XYLT1: variants seen among roughly 807,000 people sequenced by gnomAD.
The protein encoded by XYLT1 is xylosyltransferase 1.
XYLT1 carries 36 observed loss-of-function variants against 91.3 expected under a neutral mutation model. The ratio of observed to expected loss-of-function variants is 0.39; its 90% CI spans 0.30 to 0.52. The LOEUF (loss-of-function observed/expected upper bound fraction) is 0.52, where lower values mean the gene tolerates loss of function less well. Ranked by LOEUF, XYLT1 falls within the 20% of genes least tolerant of loss-of-function variation. The pLI is 0.68. For missense variants in XYLT1, 1,242 were observed against 1,284.5 expected, an observed-to-expected ratio of 0.97 and a Z score of 0.51; for synonymous variants, 588 against 532.0, an observed-to-expected ratio of 1.11 and a Z score of -1.45.
chr16:17,468,918 ATCACTATC>A, intron 1 of XYLT1, among the ~76,000 whole-genome samples: 1 of 152,082 alleles, frequency 6.6e-6, no homozygotes, highest in African/African-American at 2.4e-5. Context: ...GCGGGAACCC[ATCACTATC>A]AACTCCAAGA....
chr16:17,138,265 A>AGAT lies in XYLT1; in HGVS notation c.1764+87_1764+89dup, dbSNP rs1244135700. On this transcript the variant is annotated intron_variant, in intron 8 of 11. Coordinates refer to ENST00000261381, the MANE Select transcript of XYLT1 (RefSeq NM_022166.4). ...AGCCAGGTTTGGGCACCATGTGATA[A>AGAT]GATGACCTGCAGGTCTGGCCTTGGA... The AGAT allele has an allele frequency of 1.5e-4, 217 of 1,494,154 alleles. 1 individual carries two copies. The Admixed American group carries it at 4.0e-3, about 28-fold the overall frequency. 92.6% of individuals were successfully genotyped at this position (1,494,154 alleles called of 1,614,324 possible).
chr16:17,308,883 G>A (rs915674451), intron 2 of XYLT1, among the ~76,000 whole-genome samples: 7 of 151,966 alleles, frequency 4.6e-5, no homozygotes, highest in Non-Finnish European at 7.4e-5. Flanking sequence ...AAAATACAAA[G>A]AGCATTTAGC....
At position 17,127,798 on chromosome 16, in the gene XYLT1, G is replaced by A; in HGVS notation, c.2091C>T (p.Gly697=). Residue 697 remains glycine, a synonymous_variant, in exon 10 of 12, where the codon GGC becomes GGT. Coordinates refer to ENST00000261381, the MANE Select transcript of XYLT1 (RefSeq NM_022166.4). ...TGGTAGCATGATGCTTGATCAGAAA[G>A]CCCTGGAAGCGGTCAGCAAGGAAGT... ...HLYFLADRFQ[G]FLIKHHATNL... 2 of 1,614,152 alleles carry A rather than the reference G, an allele frequency of 1.2e-6. No homozygotes were observed. Among genetic ancestry groups the A allele is most frequent in the African/African-American group, 1.3e-5 (1 of 75,024 alleles).
intron 1 of XYLT1, among the ~76,000 whole-genome samples, chr16:17,359,998 T>C (rs2035359909): frequency 6.6e-6 from 1 of 152,104 alleles, no homozygotes; most frequent in Non-Finnish European, 1.5e-5. Flanking sequence ...GGTACGAGCT[T>C]AGTGGGCGAG....
chr16:17,192,010 C>T (rs1315606606), intron 5 of XYLT1, among the ~76,000 whole-genome samples: 1 of 152,080 alleles, frequency 6.6e-6, no homozygotes, highest in Non-Finnish European at 1.5e-5. Flanking sequence ...ACACTCAACC[C>T]TCCTCTCTTT....
In XYLT1 at chr16:17,434,002, T is replaced by C. The variant is rs4322650; in HGVS notation, c.363+36432A>G. On this transcript the variant is annotated intron_variant, in intron 1 of 11. Coordinates refer to ENST00000261381, the MANE Select transcript of XYLT1 (RefSeq NM_022166.4). ...CCATTTGGCGCCTTTAACGTTTCAT[T>C]TGGCAGATTGAATTTCGGGCATGTA... Among the ~76,000 whole-genome samples, 14 of 152,308 alleles carry C rather than the reference T, an allele frequency of 9.2e-5. No homozygotes were observed. In the East Asian group the frequency reaches 2.3e-3, roughly 25 times the overall value.
intron 9 of XYLT1, among the ~76,000 whole-genome samples, chr16:17,130,757 T>C (rs2030438675): frequency 6.6e-6 from 1 of 152,188 alleles, no homozygotes; most frequent in Non-Finnish European, 1.5e-5. Context: ...TTTTGCCCAC[T>C]ATAACCTGTT....
chr16:17,399,045 A>T (rs1242331881), intron 1 of XYLT1, among the ~76,000 whole-genome samples: 1 of 151,906 alleles, frequency 6.6e-6, no homozygotes, highest in Non-Finnish European at 1.5e-5. Flanking sequence ...GACACCAGTC[A>T]TATTAGCTTA....
chr16:17,354,859 T>A (rs1049037350), intron 2 of XYLT1: 2 of 152,208 alleles, frequency 1.3e-5, no homozygotes, highest in Non-Finnish European at 2.9e-5. Flanking sequence ...CACCTCACAA[T>A]GGGCTGAGGC....
intron 1 of XYLT1, among the ~76,000 whole-genome samples, chr16:17,364,373 GCTC>G (rs2141868254): frequency 6.6e-6 from 1 of 152,246 alleles, no homozygotes; most frequent in East Asian, 1.9e-4. Flanking sequence ...CCTAAGATAG[GCTC>G]CTCTTTGTCT....
At chr16:17,232,163 A>G (rs1241474413) in intron 3 of XYLT1, among the ~76,000 whole-genome samples, 1 of 136,542 alleles carries the variant, frequency 7.3e-6, no homozygotes, top group Non-Finnish European at 1.6e-5. Context: ...TCGATTATAT[A>G]TAATATATTA....
chr16:17,219,454 A>C (rs1265807935), intron 3 of XYLT1, among the ~76,000 whole-genome samples: 1 of 152,166 alleles, frequency 6.6e-6, no homozygotes, highest in East Asian at 1.9e-4. Flanking sequence ...CCATTACAGC[A>C]TCATTGAGGG....
At chr16:17,378,416 G>A (rs940407000) in intron 1 of XYLT1, among the ~76,000 whole-genome samples, 7 of 152,080 alleles carry the variant, frequency 4.6e-5, no homozygotes, top group Admixed American at 4.6e-4. Flanking sequence ...GCAGAGAAAT[G>A]AGCCTGAGGT....
intron 5 of XYLT1, among the ~76,000 whole-genome samples, chr16:17,195,167 T>C (rs1014888169): frequency 2.6e-5 from 4 of 152,196 alleles, no homozygotes; most frequent in Non-Finnish European, 2.9e-5. Context: ...GGTGTGTTCC[T>C]GGCATCTAGT....
At chr16:17,289,416 C>T (rs1280937676) in intron 2 of XYLT1, among the ~76,000 whole-genome samples, 2 of 152,116 alleles carry the variant, frequency 1.3e-5, no homozygotes, top group Non-Finnish European at 2.9e-5. Context: ...TGTCTTCTGC[C>T]ATGTTTATGT....
At chr16:17,142,813 G>C (rs1288532038) in intron 6 of XYLT1, among the ~76,000 whole-genome samples, 1 of 152,102 alleles carries the variant, frequency 6.6e-6, no homozygotes, top group Non-Finnish European at 1.5e-5. Flanking sequence ...ACTATAATGT[G>C]ACAGGAAAAT....
chr16:17,437,794 T>C (rs2036480420), intron 1 of XYLT1, among the ~76,000 whole-genome samples: 1 of 152,138 alleles, frequency 6.6e-6, no homozygotes, highest in Non-Finnish European at 1.5e-5. Flanking sequence ...GTTTAAAAAA[T>C]ACAGTGAAGT....
intron 2 of XYLT1, among the ~76,000 whole-genome samples, chr16:17,285,874 CTGTGTGTGTGTGTGTG>C (rs56267931): frequency 0.13 from 19,277 of 145,222 alleles, 1,344 homozygotes; most frequent in African/African-American, 0.19. Context: ...TGGTGTATCT[CTGTGTGTGTGTGTGTG>C]TGTGTGTGTG....
chr16:17,182,295 G>C (rs951297647), intron 5 of XYLT1, among the ~76,000 whole-genome samples: 1 of 152,152 alleles, frequency 6.6e-6, no homozygotes, highest in Admixed American at 6.5e-5. Flanking sequence ...AGTCCAAAGT[G>C]CCTGTCAATT....
Sources: allele counts gnomAD v4.1 joint callset (sites outside exome capture counted in the v4.1 genomes callset), GRCh38; gene constraint gnomAD v4.1.1; transcripts MANE v1.5; gene names NCBI Gene and HGNC (gene_info 2026-07-23, HGNC 2026-07-21).